Variants in TET3 observed in about 807,000 individuals in gnomAD.
The protein encoded by TET3 is methylcytosine dioxygenase TET3.
Under a neutral mutation model 141.4 loss-of-function variants are expected in TET3, and 19 were observed. The ratio of observed to expected loss-of-function variants is 0.13; its 90% CI spans 0.09 to 0.20. The LOEUF (loss-of-function observed/expected upper bound fraction) is 0.20, where lower values mean the gene tolerates loss of function less well. TET3 is among the 10% of genes least tolerant of loss of function. The probability of loss-of-function intolerance (pLI) is 1.00; values close to 1 mark genes in which losing one functional copy is unlikely to be tolerated. For synonymous variants in TET3, 1,043 were observed against 980.9 expected, an observed-to-expected ratio of 1.06 and a Z score of -1.18; for missense variants, 1,874 against 2,356.9, an observed-to-expected ratio of 0.80 and a Z score of 4.24.
Position 74,047,477 on chromosome 2 carries a change from C to G in TET3, c.1560C>G (p.Thr520=). ...CCACGCCATCCTCGGAGCCCGACAC[C>G]CACCAGAAGGCCCAGACCGCCCTGC... ...EAPTPSSEPD[T]HQKAQTALQQ... The change falls in exon 4 of 12, where the codon ACC becomes ACG. Residue 520 remains threonine (T), a synonymous_variant. Coordinates refer to ENST00000409262, the MANE Select transcript of TET3 (RefSeq NM_001287491.2). 6.2e-7 allele frequency: 1 copy of G among 1,612,724 alleles called. No individual in the cohort carries two copies. The highest frequency in any genetic ancestry group is 8.5e-7 in the Non-Finnish European group (1 of 1,179,858).
At chr2:74,026,726 T>C (rs1252401720) in intron 3 of TET3, among the ~76,000 whole-genome samples, 1 of 138,824 alleles carries the variant, frequency 7.2e-6, no homozygotes, top group Non-Finnish European at 1.6e-5. Context: ...CCCCTCCAAC[T>C]TTTTTTTTTT....
chr2:74,072,694 T>A (rs961730370), intron 4 of TET3, among the ~76,000 whole-genome samples: 2 of 152,144 alleles, frequency 1.3e-5, no homozygotes, highest in African/African-American at 4.8e-5. Flanking sequence ...ACTGTCTGTT[T>A]CCAAAACTTC....
At chr2:74,090,106 G>A in intron 8 of TET3, 59 bp downstream of exon 8, 1 of 1,596,076 alleles carries the variant, frequency 6.3e-7, no homozygotes, top group Non-Finnish European at 8.6e-7. Context: ...CGTCCTTCAT[G>A]GTCCAGCGGG....
intron 3 of TET3, 119 bp downstream of exon 3, chr2:74,003,285 G>A (rs1385156821): frequency 2.0e-5 from 27 of 1,331,906 alleles, no homozygotes; most frequent in Non-Finnish European, 2.4e-5. Context: ...CACTGTGTGT[G>A]TAGCAGCAGC....
At position 74,046,336 on chromosome 2, in the gene TET3, C is replaced by A. The variant is rs377296756; in HGVS notation, c.419C>A (p.Pro140Gln). 7.0e-5 allele frequency: 107 copies of A among 1,522,770 alleles called. 1 individual carries two copies. The highest frequency in any genetic ancestry group is 8.8e-5 in the Non-Finnish European group (100 of 1,138,226). The allele number at this position is 1,522,770 out of a possible 1,614,324, so 94.3% of individuals were successfully genotyped here. ...GTTCCAGGTCAGATGGACTCAGGGC[C>A]AGTGTACCATGGGGACTCACGGCAG... ...GPVPGQMDSG[P>Q]VYHGDSRQLS... The change falls in exon 4 of 12, where the codon CCA (proline) becomes CAA (glutamine). Residue 140 changes from proline to glutamine, a missense_variant. Pro to Gln is a moderately conservative substitution (Grantham distance 76). This residue lies in a region of TET3 where 366 missense variants were observed against 487.0 expected (regional missense o/e 0.75). Transcript: ENST00000409262. The surrounding 1 kb of genome is among the most constrained non-coding windows in gnomAD (Gnocchi z 4.3).
At chr2:74,061,461 C>A (rs1159470109) in intron 4 of TET3, among the ~76,000 whole-genome samples, 2 of 145,828 alleles carry the variant, frequency 1.4e-5, no homozygotes, top group East Asian at 4.3e-4. Flanking sequence ...GCTGGCAGGG[C>A]GGGGGACTGA....
At chr2:73,988,123 G>A (rs1052356796) in intron 2 of TET3, among the ~76,000 whole-genome samples, 5 of 152,186 alleles carry the variant, frequency 3.3e-5, no homozygotes, top group Non-Finnish European at 7.3e-5. Context: ...CCCAGCCTGG[G>A]AGACTTCTCT....
Position 74,047,512 on chromosome 2 carries a change from T to C in TET3, c.1595T>C (p.Leu532Pro), listed in dbSNP as rs1687700320. ...GCCCAGACCGCCCTGCAGCAGCACC[T>C]CCACCACAAGCGCAGCCTCTTCCTA... ...QKAQTALQQH[L>P]HHKRSLFLEQ... Residue 532 changes from leucine (L) to proline (P), a missense_variant, in exon 4 of 12, where the codon CTC becomes CCC. Physicochemically the swap from Leu to Pro is moderately conservative, Grantham distance 98 (BLOSUM62 -3). This residue lies in a region of TET3 where 484 missense variants were observed against 462.2 expected (regional missense o/e 1.05). Coordinates refer to ENST00000409262, the MANE Select transcript of TET3 (RefSeq NM_001287491.2). The C allele has an allele frequency of 6.2e-7, 1 of 1,613,008 alleles. No individual in the cohort carries two copies.
the TET3 span, chr2:74,120,693 A>C: frequency 6.6e-6 from 1 of 152,324 alleles, no homozygotes; most frequent in Admixed American, 6.5e-5. Context: ...CTCTGGGATC[A>C]GTTTGACAAC....
intron 3 of TET3, among the ~76,000 whole-genome samples, chr2:74,038,824 A>C (rs1687198593): frequency 1.3e-5 from 2 of 152,196 alleles, no homozygotes; most frequent in South Asian, 4.1e-4. Flanking sequence ...TCCCTAACAG[A>C]ACGTGGCTGT....
In TET3 at chr2:74,101,080, C is replaced by A; in HGVS notation, c.4292C>A (p.Pro1431His). The A allele has an allele frequency of 1.2e-6, 2 of 1,612,572 alleles. No homozygotes were observed. Among genetic ancestry groups the A allele is most frequent in the Non-Finnish European group, 1.7e-6 (2 of 1,179,302 alleles). ...TCCGAGGTGTCTCAGAATGGAGGAC[C>A]CAGTCACCTTTGGGGACAGTACTCA... ...PLSEVSQNGG[P>H]SHLWGQYSGG... Residue 1431 changes from proline (P) to histidine (H), a missense_variant, in exon 12 of 12, where the codon CCC becomes CAC. By Grantham distance (77) the Pro-to-His change is moderately conservative. Around this residue, in one of 10 missense-constraint regions of TET3, gnomAD observed 602 missense variants for 590.2 expected, o/e 1.02. Transcript: ENST00000409262. The surrounding 1 kb of genome is among the most constrained non-coding windows in gnomAD (Gnocchi z 8.5).
the TET3 span, among the ~76,000 whole-genome samples, chr2:74,113,296 G>A: frequency 2.6e-5 from 4 of 152,054 alleles, no homozygotes; most frequent in East Asian, 7.7e-4. Flanking sequence ...TGAGGCAGGA[G>A]AATCACTTGA....
rs369520833 is a variant in TET3, at chr2:74,048,122, C to T, written c.2205C>T (p.Pro735=). ...CCCCTTCTGTGCCCATTCAGGACCC[C>T]GAGAACCAGCAAACATGTCTCCCAG... is the stretch of plus-strand genomic sequence containing the variant. The part of the protein sequence containing the change: ...PGPPSVPIQD[P]ENQQTCLPAP... The change falls in exon 4 of 12, where the codon CCC becomes CCT. Residue 735 remains proline, a synonymous_variant. Transcript: ENST00000409262. 2.3e-5 allele frequency: 37 copies of T among 1,613,200 alleles called. No homozygotes were observed. The highest frequency in any genetic ancestry group is 5.0e-5 in the Admixed American group (3 of 59,866).
chr2:74,017,269 C>T (rs1224846234), intron 3 of TET3, among the ~76,000 whole-genome samples: 2 of 152,218 alleles, frequency 1.3e-5, no homozygotes, highest in Non-Finnish European at 2.9e-5. Flanking sequence ...ACTCCACACA[C>T]ATACAACCAA....
intron 2 of TET3, among the ~76,000 whole-genome samples, chr2:73,991,333 C>T (rs1213218163): frequency 1.3e-5 from 2 of 151,798 alleles, no homozygotes; most frequent in Non-Finnish European, 1.5e-5. Flanking sequence ...CTTGTAATCC[C>T]AGCACTTTGG....
chr2:74,123,381 G>T, the TET3 span, among the ~76,000 whole-genome samples: 1,078 of 152,342 alleles, frequency 7.1e-3, 19 homozygotes, highest in African/African-American at 0.025. Context: ...CACTTTGGGA[G>T]GCCAAGGCGG....
chr2:74,067,721 G>GA lies in TET3; in HGVS notation c.2495-5820dup, dbSNP rs543563229. ...AGCTGGAGCTGCAAGGAAAGAAAGG[G>GA]AAAAAAAATGAGTTTTTCCAAAAGG... On this transcript the variant is annotated intron_variant, in intron 4 of 11. Transcript: ENST00000409262. Among the ~76,000 whole-genome samples the GA allele has an allele frequency of 3.2e-3, 483 of 151,762 alleles. 3 individuals are homozygous for GA. The highest frequency in any genetic ancestry group is 3.1e-3 in the Non-Finnish European group (209 of 67,898).
At chr2:73,994,785 G>A (rs1028048204) in intron 2 of TET3, among the ~76,000 whole-genome samples, 1 of 151,196 alleles carries the variant, frequency 6.6e-6, no homozygotes, top group Non-Finnish European at 1.5e-5. Context: ...TTACAGGCAC[G>A]TGTCACCGTG....
chr2:74,035,480 A>T (rs1687000164), intron 3 of TET3, among the ~76,000 whole-genome samples: 1 of 128,870 alleles, frequency 7.8e-6, no homozygotes, highest in Admixed American at 7.8e-5. Context: ...AAAAAAAAAA[A>T]TGTAGTTATT....
Sources: gnomAD v4.1 joint callset for allele counts (sites outside exome capture counted in the v4.1 genomes callset) on GRCh38, gnomAD v4.1.1 for gene constraint, gnomAD v4.1.1 regional missense constraint, Gnocchi (gnomAD v3.1) non-coding constraint, MANE v1.5 for transcripts, NCBI Gene and HGNC (gene_info 2026-07-23, HGNC 2026-07-21) for gene names.